Variants in DTWD2 observed in about 807,000 individuals in gnomAD.
DTWD2 encodes the protein DTW motif tRNA-uridine aminocarboxypropyltransferase 2.
Under a neutral mutation model 31.8 loss-of-function variants are expected in DTWD2, and 39 were observed. The observed-to-expected ratio is 1.22, with a 90% CI of 0.95 to 1.60. The LOEUF is 1.60. Ranked by LOEUF, DTWD2 falls within the 40% of genes most tolerant of loss-of-function variation. The pLI, the probability that DTWD2 is intolerant of heterozygous loss-of-function variation, is 0.00. For synonymous variants in DTWD2, 180 were observed against 142.8 expected (o/e 1.26, Z -1.86); for missense variants, 515 against 381.5 (o/e 1.35, Z -2.92).
At chr5:118,947,928 T>C (rs1309213015) in intron 1 of DTWD2, among the ~76,000 whole-genome samples, 2 of 152,226 alleles carry the variant, frequency 1.3e-5, no homozygotes, top group African/African-American at 4.8e-5. Context: ...TTTTGTATAG[T>C]TCTAAAAATC....
chr5:118,890,702 C>T (rs148342766), intron 4 of DTWD2, among the ~76,000 whole-genome samples: 34 of 150,732 alleles, frequency 2.3e-4, no homozygotes, highest in African/African-American at 4.4e-4. Context: ...TCCAAAGTAG[C>T]TGGGACTACA....
At chr5:118,960,200 G>T (rs1490214977) in intron 1 of DTWD2, among the ~76,000 whole-genome samples, 1 of 151,970 alleles carries the variant, frequency 6.6e-6, no homozygotes, top group Non-Finnish European at 1.5e-5. Flanking sequence ...TCTGACAAAG[G>T]TCTAATATTC....
intron 2 of DTWD2, among the ~76,000 whole-genome samples, chr5:118,940,748 A>T (rs924871388): frequency 1.3e-5 from 2 of 152,208 alleles, no homozygotes; most frequent in African/African-American, 4.8e-5. Context: ...AGTTTATAGA[A>T]CTATTAAGAA....
At chr5:118,910,789 G>A (rs1753441750) in intron 4 of DTWD2, among the ~76,000 whole-genome samples, 1 of 152,166 alleles carries the variant, frequency 6.6e-6, no homozygotes, top group Non-Finnish European at 1.5e-5. Flanking sequence ...CAGTTCGGGA[G>A]CAGAGTCTGA....
chr5:118,955,694 C>A (rs566230829), intron 1 of DTWD2, among the ~76,000 whole-genome samples: 21 of 151,804 alleles, frequency 1.4e-4, no homozygotes, highest in Non-Finnish European at 2.6e-4. Flanking sequence ...ACTCAGGAGG[C>A]TAAGGCAGGA....
chr5:118,909,106 G>T (rs1055930082), intron 4 of DTWD2, among the ~76,000 whole-genome samples: 1 of 152,190 alleles, frequency 6.6e-6, no homozygotes, highest in Non-Finnish European at 1.5e-5. Flanking sequence ...CATCCTTTTA[G>T]GGTTCTGCTG....
chr5:118,927,504 G>A (rs1753835105), intron 4 of DTWD2, among the ~76,000 whole-genome samples: 1 of 151,840 alleles, frequency 6.6e-6, no homozygotes, highest in Non-Finnish European at 1.5e-5. Flanking sequence ...TGTAAAAAAC[G>A]TTTGTGTATG....
At chr5:118,866,860 T>A (rs1207451201) in intron 4 of DTWD2, among the ~76,000 whole-genome samples, 1 of 151,710 alleles carries the variant, frequency 6.6e-6, no homozygotes, top group Non-Finnish European at 1.5e-5. Context: ...GAGGTTGCAG[T>A]GAGCCAAGAT....
chr5:118,894,013 C>A (rs1189818057), intron 4 of DTWD2, among the ~76,000 whole-genome samples: 1 of 151,214 alleles, frequency 6.6e-6, no homozygotes, highest in Non-Finnish European at 1.5e-5. Context: ...AGGCACCCAG[C>A]CTGGGTGACA....
At chr5:118,847,910 G>A (rs1221743252) in intron 5 of DTWD2, among the ~76,000 whole-genome samples, 180 bp downstream of exon 5, 1 of 125,356 alleles carries the variant, frequency 8.0e-6, no homozygotes, top group African/African-American at 4.5e-5. Context: ...AATCTGGAAT[G>A]CTAAACACAC....
chr5:118,859,878 G>A (rs2149544042), intron 4 of DTWD2, among the ~76,000 whole-genome samples: 1 of 152,266 alleles, frequency 6.6e-6, no homozygotes, highest in Non-Finnish European at 1.5e-5. Context: ...ACCACTTTGG[G>A]AGGCCAAGAC....
intron 2 of DTWD2, among the ~76,000 whole-genome samples, chr5:118,940,965 T>C (rs1754165228): frequency 6.6e-6 from 1 of 152,194 alleles, no homozygotes; most frequent in African/African-American, 2.4e-5. Context: ...TAAAGCTTTC[T>C]GTTATTTTTG....
intron 1 of DTWD2, among the ~76,000 whole-genome samples, chr5:118,982,329 T>A (rs1755319648): frequency 6.6e-6 from 1 of 152,162 alleles, no homozygotes; most frequent in Non-Finnish European, 1.5e-5. Context: ...GGAAAATAAA[T>A]CAAACACTTA....
chr5:118,840,809 A>C lies in DTWD2; in HGVS notation c.*108T>G. 9.2e-7 allele frequency: 1 copy of C among 1,090,844 alleles called. No individual in the cohort carries two copies. The highest frequency in any genetic ancestry group is 1.2e-6 in the Non-Finnish European group (1 of 815,162). The allele number at this position is 1,090,844 out of a possible 1,614,324, so 67.6% of individuals were successfully genotyped here. Reference sequence around the variant, plus strand: ...TTCTTCTGGGTAAGATTAGTATGCAATTCTCCTTCTTTAGCAAGTCAAAAA... The same window carrying C: ...TTCTTCTGGGTAAGATTAGTATGCACTTCTCCTTCTTTAGCAAGTCAAAAA... On this transcript the variant is annotated 3_prime_UTR_variant, in exon 6 of 6. Coordinates refer to ENST00000510708, the MANE Select transcript of DTWD2 (RefSeq NM_173666.4).
chr5:118,977,195 T>C (rs564523576), intron 1 of DTWD2, among the ~76,000 whole-genome samples: 2 of 152,244 alleles, frequency 1.3e-5, no homozygotes, highest in South Asian at 4.1e-4. Flanking sequence ...CTCAAAATAA[T>C]AAGAGCTATT....
intron 4 of DTWD2, among the ~76,000 whole-genome samples, chr5:118,848,673 C>T (rs1483435122): frequency 4.6e-5 from 7 of 152,136 alleles, no homozygotes; most frequent in Non-Finnish European, 5.9e-5. Context: ...GGTACCAAAA[C>T]AGATATATAA....
At position 118,942,338 on chromosome 5, in the gene DTWD2, G is replaced by A. The variant is rs994410207; in HGVS notation, c.309+2221C>T. Among the ~76,000 whole-genome samples the A allele has an allele frequency of 7.2e-5, 11 of 151,850 alleles. No homozygotes were observed. The East Asian group carries it at 1.5e-3, about 21-fold the overall frequency. Reference sequence around the variant, plus strand: ...TGCCTGGGCAATATAGCGAGACCCCGTTCTTAAAAACAGAAAATAATAATA... The same window carrying A: ...TGCCTGGGCAATATAGCGAGACCCCATTCTTAAAAACAGAAAATAATAATA... On this transcript the variant is annotated intron_variant, in intron 2 of 5. Transcript: ENST00000510708.
intron 1 of DTWD2, among the ~76,000 whole-genome samples, chr5:118,962,637 A>G (rs554133828): frequency 6.6e-6 from 1 of 152,334 alleles, no homozygotes; most frequent in Non-Finnish European, 1.5e-5. Context: ...AGTAAAAATA[A>G]AAGAGGGAAT....
chr5:118,981,859 A>G (rs937437624), intron 1 of DTWD2, among the ~76,000 whole-genome samples: 1 of 152,244 alleles, frequency 6.6e-6, no homozygotes, highest in Non-Finnish European at 1.5e-5. Context: ...AAGGAAAAGA[A>G]TCTTTAGATT....
Sources: allele counts gnomAD v4.1 joint callset (sites outside exome capture counted in the v4.1 genomes callset), GRCh38; gene constraint gnomAD v4.1.1; transcripts MANE v1.5; gene names NCBI Gene and HGNC (gene_info 2026-07-23, HGNC 2026-07-21).